The following ACAD10 variants were observed in gnomAD, a reference collection of about 807,000 sequenced individuals.
The protein encoded by ACAD10 is acyl-CoA dehydrogenase family member 10, also known as ACAD-10.
Under a neutral mutation model 116.8 loss-of-function variants are expected in ACAD10, and 112 were observed. The ratio of observed to expected loss-of-function variants is 0.96; its 90% CI spans 0.82 to 1.12. ACAD10 has a LOEUF of 1.12. ACAD10 is among the 50% of genes most tolerant of loss of function. ACAD10 has a pLI of 0.00. For synonymous variants in ACAD10, 486 were observed against 510.6 expected, an observed-to-expected ratio of 0.95 and a Z score of 0.65; for missense variants, 1,259 against 1,350.2, an observed-to-expected ratio of 0.93 and a Z score of 1.06.
In ACAD10 at chr12:111,744,878, A is replaced by G. The variant is rs772110857; in HGVS notation, c.1950A>G (p.Gly650=). The change falls in exon 13 of 21, where the codon GGA becomes GGG. Residue 650 remains glycine, a synonymous_variant. Coordinates refer to ENST00000313698, the MANE Select transcript of ACAD10 (RefSeq NM_025247.6). ...CTTCCCCAGCTCATACCTCAAGGGG[A>G]GGTCTGGTTATCTCTCCAGAGAGCC... ...PEASPAHTSR[G]GLVISPESLS... is the part of the protein sequence containing the mutation. 9 of 1,613,984 alleles carry G rather than the reference A, an allele frequency of 5.6e-6. No individual in the cohort carries two copies. Among genetic ancestry groups the G allele is most frequent in the Non-Finnish European group, 6.8e-6 (8 of 1,180,020 alleles).
intron 10 of ACAD10, among the ~76,000 whole-genome samples, chr12:111,731,662 C>T (rs1315799140): frequency 6.6e-6 from 1 of 152,190 alleles, no homozygotes; most frequent in Non-Finnish European, 1.5e-5. Context: ...TTTTAGAGAG[C>T]GTGCTGCTGC....
chr12:111,719,583 G>A (rs1888956088), intron 7 of ACAD10, among the ~76,000 whole-genome samples: 1 of 150,576 alleles, frequency 6.6e-6, no homozygotes, highest in Non-Finnish European at 1.5e-5. Context: ...ATGCAGGTTT[G>A]CTCTTGTCGC....
At chr12:111,747,419 A>G (rs750849722) in intron 16 of ACAD10, 34 bp downstream of exon 16, 5 of 1,611,096 alleles carry the variant, frequency 3.1e-6, no homozygotes, top group Admixed American at 3.3e-5. Flanking sequence ...CCAAATGCAC[A>G]TCAGGGAGTC....
chr12:111,733,214 T>C (rs944486594), intron 10 of ACAD10, among the ~76,000 whole-genome samples: 1 of 152,168 alleles, frequency 6.6e-6, no homozygotes, highest in Non-Finnish European at 1.5e-5. Context: ...GCTCCCACCT[T>C]AGCCTCCTGA....
At chr12:111,701,654 G>A (rs1888352646) in intron 2 of ACAD10, among the ~76,000 whole-genome samples, 1 of 152,100 alleles carries the variant, frequency 6.6e-6, no homozygotes, top group African/African-American at 2.4e-5. Flanking sequence ...GACTGAGTGA[G>A]GCTTTTTCTG....
chr12:111,753,690 G>C, intron 18 of ACAD10, 82 bp from the exon 19 acceptor site: 1 of 1,594,946 alleles, frequency 6.3e-7, no homozygotes, highest in Non-Finnish European at 8.6e-7. Context: ...CTTCCACCCA[G>C]CTCTGCAGGC....
At chr12:111,738,588 C>T (rs1208868254) in intron 12 of ACAD10, among the ~76,000 whole-genome samples, 1 of 151,918 alleles carries the variant, frequency 6.6e-6, no homozygotes, top group Non-Finnish European at 1.5e-5. Flanking sequence ...GAGTAGTAGC[C>T]GGGCATGGTG....
chr12:111,746,799 G>A (rs1034422914), intron 14 of ACAD10, among the ~76,000 whole-genome samples: 2 of 152,130 alleles, frequency 1.3e-5, no homozygotes, highest in African/African-American at 4.8e-5. Context: ...CCAGGAGTTC[G>A]ACACCAGCGT....
intron 10 of ACAD10, 194 bp from the exon 11 acceptor site, chr12:111,733,729 T>A: frequency 1.6e-6 from 1 of 611,398 alleles, no homozygotes; most frequent in South Asian, 2.1e-5. Flanking sequence ...CTCCTGCTTT[T>A]GATTGGCTGA....
chr12:111,745,069 A>C, intron 13 of ACAD10, 26 bp downstream of exon 13: 6 of 1,601,392 alleles, frequency 3.7e-6, no homozygotes, highest in Non-Finnish European at 5.1e-6. Flanking sequence ...TGAGGTGGTA[A>C]GACCCCAATA....
intron 18 of ACAD10, among the ~76,000 whole-genome samples, chr12:111,751,920 T>G (rs2135994275): frequency 6.6e-6 from 1 of 151,830 alleles, no homozygotes; most frequent in South Asian, 2.1e-4. Context: ...TAGTTGGACG[T>G]GGTGGCGCAT....
At chr12:111,734,399 G>A (rs922723090) in intron 11 of ACAD10, among the ~76,000 whole-genome samples, 39 of 152,288 alleles carry the variant, frequency 2.6e-4, no homozygotes, top group African/African-American at 8.7e-4. Flanking sequence ...AGGCCAAGGC[G>A]GGTGGATCAC....
chr12:111,694,902 G>C (rs1275841223), intron 2 of ACAD10, among the ~76,000 whole-genome samples: 1 of 152,108 alleles, frequency 6.6e-6, no homozygotes, highest in Non-Finnish European at 1.5e-5. Context: ...GTGGTGCATG[G>C]ATGTAGTCCC....
chr12:111,734,148 C>A, intron 11 of ACAD10, 80 bp downstream of exon 11: 2 of 1,588,644 alleles, frequency 1.3e-6, no homozygotes, highest in South Asian at 1.1e-5. Flanking sequence ...TGAAGTAGTC[C>A]GTGATTGGGC....
rs746386476 is a variant in ACAD10 at position 111,692,889 on chromosome 12, C to T, written c.180C>T (p.Val60=). The T allele has an allele frequency of 9.3e-6, 15 of 1,613,648 alleles. No homozygotes were observed. Among genetic ancestry groups the T allele is most frequent in the African/African-American group, 2.7e-5 (2 of 74,878 alleles). ...TTCTCATTCCTTCTCCAGGGAGAGT[C>T]GCTGCAGGTGAGCTATTGATTCTGT... The part of the protein sequence containing the change: ...GGVLIPSPGR[V]AAEWEVQNRI... Residue 60 remains valine, a synonymous_variant, in exon 2 of 21, where the codon GTC becomes GTT. Coordinates refer to ENST00000313698, the MANE Select transcript of ACAD10 (RefSeq NM_025247.6).
At chr12:111,704,042 C>A (rs1888425746) in intron 3 of ACAD10, among the ~76,000 whole-genome samples, 2 of 151,632 alleles carry the variant, frequency 1.3e-5, no homozygotes, top group African/African-American at 4.9e-5. Flanking sequence ...CCAGAATAGG[C>A]AAACCCATAG....
At chr12:111,744,380 C>G (rs1343781702) in intron 12 of ACAD10, among the ~76,000 whole-genome samples, 1 of 152,220 alleles carries the variant, frequency 6.6e-6, no homozygotes, top group African/African-American at 2.4e-5. Context: ...AAGTTGGACT[C>G]TGGCCCCCAG....
intron 4 of ACAD10, among the ~76,000 whole-genome samples, chr12:111,708,779 C>T (rs1016062662): frequency 2.6e-5 from 4 of 152,048 alleles, no homozygotes; most frequent in Non-Finnish European, 4.4e-5. Flanking sequence ...AAAGGACTTT[C>T]GGGGAATCAG....
At chr12:111,716,101 C>A in intron 7 of ACAD10, 139 bp downstream of exon 7, 1 of 1,274,618 alleles carries the variant, frequency 7.8e-7, no homozygotes, top group Non-Finnish European at 1.1e-6. Flanking sequence ...CTTGGTGGGT[C>A]ACACCTATAA....
Sources: gnomAD v4.1 joint callset for allele counts (sites outside exome capture counted in the v4.1 genomes callset) on GRCh38, gnomAD v4.1.1 for gene constraint, MANE v1.5 for transcripts, NCBI Gene and HGNC (gene_info 2026-07-23, HGNC 2026-07-21) for gene names.